SPART: variants seen among roughly 807,000 people sequenced by gnomAD.
SPART encodes the protein spartin.
SPART carries 35 observed loss-of-function variants against 58.7 expected under a neutral mutation model. That is an observed-to-expected ratio of 0.60 (90% CI 0.46 to 0.79). The LOEUF (loss-of-function observed/expected upper bound fraction) is 0.79. SPART is among the 30% of genes least tolerant of loss of function. The pLI is 0.00. For missense variants in SPART, 730 were observed against 786.1 expected, an observed-to-expected ratio of 0.93 and a Z score of 0.85; for synonymous variants, 284 against 280.7, an observed-to-expected ratio of 1.01 and a Z score of -0.12.
chr13:36,337,410 A>C (rs1184910602), intron 1 of SPART, among the ~76,000 whole-genome samples: 1 of 152,108 alleles, frequency 6.6e-6, no homozygotes, highest in East Asian at 1.9e-4. Context: ...GTGTCAAGAG[A>C]GGGACCCCGT....
intron 1 of SPART, among the ~76,000 whole-genome samples, chr13:36,340,770 A>G (rs1884499961): frequency 7.4e-6 from 1 of 134,898 alleles, no homozygotes; most frequent in South Asian, 2.4e-4. Flanking sequence ...TGTGATTGTA[A>G]GCTCTGAAAA....
intron 1 of SPART, among the ~76,000 whole-genome samples, chr13:36,364,650 T>C (rs1186180927): frequency 3.3e-5 from 5 of 152,178 alleles, no homozygotes; most frequent in Non-Finnish European, 2.9e-5. Flanking sequence ...TTAGGATTTG[T>C]CAAGGGAAAT....
chr13:36,323,267 TAA>T (rs1277297702), intron 5 of SPART, among the ~76,000 whole-genome samples: 1 of 152,170 alleles, frequency 6.6e-6, no homozygotes, highest in East Asian at 1.9e-4. Flanking sequence ...TCACAACCAC[TAA>T]AGTGTTTCAG....
chr13:36,348,800 G>A (rs192688679), upstream of SPART, among the ~76,000 whole-genome samples: 9 of 152,252 alleles, frequency 5.9e-5, no homozygotes, highest in Admixed American at 3.9e-4. Context: ...AACACAATCC[G>A]TGTCAAGATC....
At chr13:36,348,051 C>G (rs548219757), upstream of SPART, among the ~76,000 whole-genome samples, 43 of 152,058 alleles carry the variant, frequency 2.8e-4, no homozygotes, top group South Asian at 8.7e-3. Context: ...CTCCAGAGGC[C>G]GAGGCAAGAG....
At chr13:36,336,608 G>C (rs778608576) in intron 1 of SPART, among the ~76,000 whole-genome samples, 1 of 152,156 alleles carries the variant, frequency 6.6e-6, no homozygotes, top group Non-Finnish European at 1.5e-5. Flanking sequence ...GCTGAAAAAT[G>C]ATACAACATT....
chr13:36,339,175 C>A (rs976595938), intron 1 of SPART, among the ~76,000 whole-genome samples: 1 of 150,948 alleles, frequency 6.6e-6, no homozygotes, highest in South Asian at 2.1e-4. Flanking sequence ...TGCGTGCATA[C>A]TGAAAGAAGG....
intron 1 of SPART, among the ~76,000 whole-genome samples, chr13:36,343,359 A>T (rs1172392832): frequency 2.0e-5 from 3 of 152,210 alleles, no homozygotes; most frequent in African/African-American, 4.8e-5. Flanking sequence ...AAAATTTTTT[A>T]AAAAAGGAAG....
At chr13:36,306,119 G>A (rs138151212) in intron 8 of SPART, among the ~76,000 whole-genome samples, 1 of 152,298 alleles carries the variant, frequency 6.6e-6, no homozygotes, top group African/African-American at 2.4e-5. Flanking sequence ...GCAGAGCCTA[G>A]TCTGTCAAAC....
upstream of SPART, among the ~76,000 whole-genome samples, chr13:36,349,600 A>G (rs550890223): frequency 1.3e-5 from 2 of 152,354 alleles, no homozygotes; most frequent in South Asian, 4.1e-4. Context: ...TACCTGGTCA[A>G]AACCTGTATT....
chr13:36,318,949 A>G (rs1231326205), intron 5 of SPART, among the ~76,000 whole-genome samples: 1 of 152,104 alleles, frequency 6.6e-6, no homozygotes, highest in Non-Finnish European at 1.5e-5. Flanking sequence ...GAAGCCCCCT[A>G]GACCATCACG....
chr13:36,355,472 G>T lies in SPART; in HGVS notation c.-3+14617C>A, dbSNP rs528302370. 8.5e-5 allele frequency among the ~76,000 whole-genome samples: 13 copies of T among 152,292 alleles called. No individual in the cohort carries two copies. The South Asian group carries it at 2.7e-3, about 32-fold the overall frequency. The stretch of plus-strand genomic sequence containing the variant: ...ATAATCTTGCTCTGAAATCAGTGAG[G>T]CCTGGAAAGGGACAGCTATTTTCAG... On this transcript the variant is annotated intron_variant, in intron 1 of 8. Coordinates refer to the SPART transcript ENST00000355182.
At chr13:36,332,597 G>A (rs1178767410) in intron 2 of SPART, among the ~76,000 whole-genome samples, 1 of 152,194 alleles carries the variant, frequency 6.6e-6, no homozygotes, top group Non-Finnish European at 1.5e-5. Context: ...TGACATAACA[G>A]AATAGATTAA....
At chr13:36,351,141 G>A (rs936706888), upstream of SPART, among the ~76,000 whole-genome samples, 1 of 151,980 alleles carries the variant, frequency 6.6e-6, no homozygotes, top group South Asian at 2.1e-4. Context: ...GCCTCACAGG[G>A]TGGTTACCTA....
At chr13:36,341,101 C>T (rs1278429629) in intron 1 of SPART, among the ~76,000 whole-genome samples, 1 of 152,034 alleles carries the variant, frequency 6.6e-6, no homozygotes, top group African/African-American at 2.4e-5. Flanking sequence ...CCAATATATT[C>T]GCACTGTTTA....
At chr13:36,348,757 A>G (rs1213826645), upstream of SPART, among the ~76,000 whole-genome samples, 1 of 152,230 alleles carries the variant, frequency 6.6e-6, no homozygotes, top group African/African-American at 2.4e-5. Context: ...TATTGGGAAG[A>G]TGGCAGTACT....
chr13:36,349,716 A>T (rs1392983376), upstream of SPART, among the ~76,000 whole-genome samples: 1 of 152,216 alleles, frequency 6.6e-6, no homozygotes, highest in Non-Finnish European at 1.5e-5. Context: ...GCTAATCTTG[A>T]TAAACTATGC....
At chr13:36,356,135 G>A (rs904800397) in intron 1 of SPART, among the ~76,000 whole-genome samples, 1 of 152,130 alleles carries the variant, frequency 6.6e-6, no homozygotes, top group African/African-American at 2.4e-5. Flanking sequence ...TCTACTATGG[G>A]TGCTTAATTG....
intron 8 of SPART, chr13:36,308,589 T>C (rs1224360006): frequency 6.6e-6 from 1 of 151,910 alleles, no homozygotes; most frequent in Non-Finnish European, 1.5e-5. Flanking sequence ...CAGTATTTCC[T>C]AGTTATGTGA....
Sources: allele counts gnomAD v4.1 joint callset (sites outside exome capture counted in the v4.1 genomes callset), GRCh38; gene constraint gnomAD v4.1.1; transcripts MANE v1.5; gene names NCBI Gene and HGNC (gene_info 2026-07-23, HGNC 2026-07-21).